The following SLC2A3 variants were observed in gnomAD, a reference collection of about 807,000 sequenced individuals.
The protein encoded by SLC2A3 is solute carrier family 2 member 3, also known as solute carrier family 2, facilitated glucose transporter member 3.
Under a neutral mutation model 46.4 loss-of-function variants are expected in SLC2A3, and 21 were observed. The ratio of observed to expected loss-of-function variants is 0.45; its 90% CI spans 0.32 to 0.65. The LOEUF is 0.65. Ranked by LOEUF, SLC2A3 falls within the 30% of genes least tolerant of loss-of-function variation. SLC2A3 has a pLI of 0.04. For synonymous variants in SLC2A3, 213 were observed against 239.4 expected (o/e 0.89, Z 1.02); for missense variants, 499 against 623.3 (o/e 0.80, Z 2.12).
At position 7,922,994 on chromosome 12, in the gene SLC2A3, T is replaced by C. The variant is rs764959775; in HGVS notation, c.1099A>G (p.Ile367Val). 1 of 1,613,954 alleles carries C rather than the reference T, an allele frequency of 6.2e-7. No homozygotes were observed. The highest frequency in any genetic ancestry group is 8.5e-7 in the Non-Finnish European group (1 of 1,179,946). ...GCTACAAAGACCAAGATAGCCCCAA[T>C]ACAGACAAAGCTCATCCCATTATAG... is the stretch of plus-strand genomic sequence containing the variant. ...DNYNGMSFVC[I>V]GAILVFVAFF... Residue 367 changes from isoleucine (I) to valine (V), a missense_variant, in exon 9 of 10, where the codon ATT becomes GTT. Ile to Val is a conservative substitution (Grantham distance 29). Around this residue, in one of 5 missense-constraint regions of SLC2A3, gnomAD observed 179 missense variants for 205.1 expected, o/e 0.87. Transcript: ENST00000075120.
intron 3 of SLC2A3, 101 bp from the exon 4 acceptor site, chr12:7,931,586 C>A: frequency 6.7e-7 from 1 of 1,497,140 alleles, no homozygotes; most frequent in South Asian, 1.3e-5. Flanking sequence ...TCATATCATC[C>A]CTTTTTTTTT....
intron 6 of SLC2A3, among the ~76,000 whole-genome samples, chr12:7,926,489 T>C (rs1427516875): frequency 6.6e-6 from 1 of 152,184 alleles, no homozygotes; most frequent in East Asian, 1.9e-4. Context: ...CTTGCTTATG[T>C]CCACTTCACT....
rs1946018544 is a variant in SLC2A3, at chr12:7,919,917, C to T, written c.*1496G>A. 6.6e-6 allele frequency: 1 copy of T among 152,118 alleles called. No homozygotes were observed. Among genetic ancestry groups the T allele is most frequent in the South Asian group, 2.1e-4 (1 of 4,828 alleles). 9.4% of individuals were successfully genotyped at this position (152,118 alleles called of 1,614,324 possible). A position where few individuals can be genotyped will look rare whatever the true frequency, so the allele number is the denominator to read the frequency against. Reference sequence around the variant, plus strand: ...TAAGTCAACAATAACGTACTTCCACCCAGAGCAAAGTGACAGTGCACATAC... The same window carrying T: ...TAAGTCAACAATAACGTACTTCCACTCAGAGCAAAGTGACAGTGCACATAC... On this transcript the variant is annotated 3_prime_UTR_variant, in exon 10 of 10. Transcript: ENST00000075120.
intron 6 of SLC2A3, among the ~76,000 whole-genome samples, chr12:7,926,337 C>T (rs1271727746): frequency 7.2e-5 from 11 of 152,048 alleles, no homozygotes; most frequent in Admixed American, 5.2e-4. Context: ...GTGACCTGCT[C>T]GCCTTGGCCT....
Position 7,921,111 on chromosome 12 carries a change from C to G in SLC2A3, c.*302G>C, listed in dbSNP as rs768603991. 1.6e-6 allele frequency: 1 copy of G among 607,544 alleles called. No individual in the cohort carries two copies. Among genetic ancestry groups the G allele is most frequent in the African/African-American group, 1.8e-5 (1 of 54,460 alleles). The allele number at this position is 607,544 out of a possible 1,614,324, so 37.6% of individuals were successfully genotyped here. On this transcript the variant is annotated 3_prime_UTR_variant, in exon 10 of 10. Coordinates refer to ENST00000075120, the MANE Select transcript of SLC2A3 (RefSeq NM_006931.3). ...CCTATATCCCCTAGTGCGGCAATAT[C>G]AGAACCCAAGGGAGGAAAAGCTGGC...
intron 2 of SLC2A3, chr12:7,933,600 C>T: frequency 1.8e-6 from 1 of 548,986 alleles, no homozygotes; most frequent in Non-Finnish European, 3.2e-6. Context: ...CTTAAAATCC[C>T]CTAGTTTGGG....
intron 1 of SLC2A3, among the ~76,000 whole-genome samples, chr12:7,935,222 G>A (rs1159945210): frequency 6.6e-6 from 1 of 152,164 alleles, no homozygotes; most frequent in Non-Finnish European, 1.5e-5. Context: ...GGGAGGCCGA[G>A]GCCGGCGGAT....
intron 6 of SLC2A3, among the ~76,000 whole-genome samples, chr12:7,928,936 A>G (rs1055506596): frequency 1.7e-4 from 26 of 151,924 alleles, no homozygotes; most frequent in Admixed American, 1.6e-3. Context: ...GACTACAGGC[A>G]TGAGCAGCCA....
intron 6 of SLC2A3, among the ~76,000 whole-genome samples, chr12:7,928,038 G>A (rs1946113204): frequency 6.6e-6 from 1 of 152,068 alleles, no homozygotes; most frequent in Non-Finnish European, 1.5e-5. Context: ...CCCAGGAGAT[G>A]GAGGTTGTGG....
rs1946210029 is a variant in SLC2A3, at chr12:7,936,102, A to G, written c.-68T>C. On this transcript the variant is annotated 5_prime_UTR_variant, in exon 1 of 10. Coordinates refer to ENST00000075120, the MANE Select transcript of SLC2A3 (RefSeq NM_006931.3). ...ATTCCAGAAACAGCTTTTTCAGCCAACAAAACCTTCAAAATGTCCTTCTCA... is the reference window on the plus strand; with the variant it reads ...ATTCCAGAAACAGCTTTTTCAGCCAGCAAAACCTTCAAAATGTCCTTCTCA... 7.3e-7 allele frequency: 1 copy of G among 1,363,778 alleles called. No individual in the cohort carries two copies. The highest frequency in any genetic ancestry group is 1.0e-6 in the Non-Finnish European group (1 of 952,968). 84.5% of individuals were successfully genotyped at this position (1,363,778 alleles called of 1,614,324 possible).
At chr12:7,925,649 C>T (rs74604018) in intron 7 of SLC2A3, 195 bp downstream of exon 7, 3 of 558,414 alleles carry the variant, frequency 5.4e-6, no homozygotes, top group Non-Finnish European at 9.6e-6. Flanking sequence ...CTTCTATACT[C>T]CCTCCTTTCC....
rs1295754938 is a variant in SLC2A3 at position 7,920,944 on chromosome 12, A to C, written c.*469T>G. On this transcript the variant is annotated 3_prime_UTR_variant, in exon 10 of 10. Coordinates refer to ENST00000075120, the MANE Select transcript of SLC2A3 (RefSeq NM_006931.3). Reference sequence around the variant, plus strand: ...AATTAAACCAGAGGATAAAATAAATAAAACTCAAGTTAATTTGCCACGTAG... The same window carrying C: ...AATTAAACCAGAGGATAAAATAAATCAAACTCAAGTTAATTTGCCACGTAG... The C allele has an allele frequency of 1.1e-5, 2 of 174,082 alleles. No homozygotes were observed. The highest frequency in any genetic ancestry group is 4.7e-5 in the African/African-American group (2 of 42,234). 10.8% of individuals were successfully genotyped at this position (174,082 alleles called of 1,614,324 possible).
Position 7,921,428 on chromosome 12 carries a change from G to A in SLC2A3, c.1476C>T (p.Thr492=). 1 of 1,614,006 alleles carries A rather than the reference G, an allele frequency of 6.2e-7. No individual in the cohort carries two copies. The highest frequency in any genetic ancestry group is 8.5e-7 in the Non-Finnish European group (1 of 1,179,920). The change falls in exon 10 of 10, where the codon ACC becomes ACT. Residue 492 remains threonine (T), a synonymous_variant. Coordinates refer to ENST00000075120, the MANE Select transcript of SLC2A3 (RefSeq NM_006931.3). The part of the protein sequence containing the change: ...EMNSIEPAKE[T]TTNV ...GAGGCACGACTTAGACATTGGTGGT[G>A]GTCTCCTTAGCAGGCTCGATGCTGT...
rs1297117449 is a variant in SLC2A3, at chr12:7,925,887, G to T, written c.923C>A (p.Thr308Asn). Reference sequence around the variant, plus strand: ...AGTATTAACCACACCCGCGCCGATGGTGGCATAGATGGGCTCTTGAACACC... The same window carrying T: ...AGTATTAACCACACCCGCGCCGATGTTGGCATAGATGGGCTCTTGAACACC... ...DAGVQEPIYA[T>N]IGAGVVNTIF... Residue 308 changes from threonine to asparagine, a missense_variant, in exon 7 of 10, where the codon ACC (threonine) becomes AAC (asparagine). Physicochemically the swap from Thr to Asn is moderately conservative, Grantham distance 65 (BLOSUM62 0). This residue lies in a region of SLC2A3 where 65 missense variants were observed against 88.4 expected (regional missense o/e 0.74). Coordinates refer to ENST00000075120, the MANE Select transcript of SLC2A3 (RefSeq NM_006931.3). The T allele has an allele frequency of 6.2e-7, 1 of 1,613,776 alleles. No homozygotes were observed. The highest frequency in any genetic ancestry group is 8.5e-7 in the Non-Finnish European group (1 of 1,179,822).
rs1485801509 is a variant in SLC2A3 at position 7,921,576 on chromosome 12, A to G, written c.1328T>C (p.Leu443Ser). 6.2e-7 allele frequency: 1 copy of G among 1,613,848 alleles called. No homozygotes were observed. Among genetic ancestry groups the G allele is most frequent in the East Asian group, 2.2e-5 (1 of 44,900 alleles). ...AGGGACTTTGAAGAAGGTAAAAGCC[A>G]AGAAGGTAATGAGGAAGCCGGTGAA... ...IIFTGFLITF[L>S]AFTFFKVPET... The change falls in exon 10 of 10, where the codon TTG becomes TCG. Residue 443 changes from leucine to serine, a missense_variant. By Grantham distance (145) the Leu-to-Ser change is moderately radical. Transcript: ENST00000075120.
At chr12:7,923,652 T>C (rs1020236882) in intron 8 of SLC2A3, among the ~76,000 whole-genome samples, 1 of 152,066 alleles carries the variant, frequency 6.6e-6, no homozygotes, top group Non-Finnish European at 1.5e-5. Context: ...TAGAGAAAGT[T>C]TCTTGCCATG....
At chr12:7,923,144 T>G in intron 8 of SLC2A3, 120 bp from the exon 9 acceptor site, 1 of 954,218 alleles carries the variant, frequency 1.0e-6, no homozygotes, top group Non-Finnish European at 1.5e-6. Context: ...AAAGAGTGGC[T>G]GTGGAGTCAA....
At position 7,932,472 on chromosome 12, in the gene SLC2A3, C is replaced by T. The variant is rs779336738; in HGVS notation, c.269+515G>A. ...GGATTACAGGGGTGAGCCACCACAC[C>T]GTGCCTAATTGGCAAATTAAAACAG... On this transcript the variant is annotated intron_variant, in intron 3 of 9. Coordinates refer to ENST00000075120, the MANE Select transcript of SLC2A3 (RefSeq NM_006931.3). 5.3e-4 allele frequency among the ~76,000 whole-genome samples: 81 copies of T among 152,242 alleles called. 1 individual carries two copies. In the South Asian group the frequency reaches 0.014, roughly 27 times the overall value.
intron 3 of SLC2A3, chr12:7,932,741 C>T (rs923001045): frequency 1.0e-5 from 5 of 478,944 alleles, no homozygotes; most frequent in Non-Finnish European, 1.9e-5. Context: ...CTGAACTATC[C>T]CTAGCTGGAC....
Sources: gnomAD v4.1 joint callset for allele counts (sites outside exome capture counted in the v4.1 genomes callset) on GRCh38, gnomAD v4.1.1 for gene constraint, gnomAD v4.1.1 regional missense constraint, MANE v1.5 for transcripts, NCBI Gene and HGNC (gene_info 2026-07-23, HGNC 2026-07-21) for gene names.